Variants in STK3 observed in about 807,000 individuals in gnomAD.
The protein encoded by STK3 is serine/threonine kinase 3.
STK3 carries 41 observed loss-of-function variants against 58.0 expected under a neutral mutation model. The observed-to-expected ratio is 0.71, with a 90% CI of 0.55 to 0.92. The LOEUF is 0.92. STK3 is among the 40% of genes least tolerant of loss of function. STK3 has a pLI of 0.00. For synonymous variants in STK3, 170 were observed against 191.0 expected (o/e 0.89, Z 0.91); for missense variants, 479 against 602.7 (o/e 0.79, Z 2.15).
At chr8:98,376,450 A>G (rs1339776811) in intron 2 of STK3, among the ~76,000 whole-genome samples, 3 of 152,222 alleles carry the variant, frequency 2.0e-5, no homozygotes, top group Admixed American at 1.3e-4. Flanking sequence ...ATCATTTATA[A>G]AAAAGATTAT....
chr8:98,600,447 G>A (rs1165479480), intron 6 of STK3, among the ~76,000 whole-genome samples: 1 of 152,136 alleles, frequency 6.6e-6, no homozygotes, highest in Non-Finnish European at 1.5e-5. Flanking sequence ...TCAATAATGT[G>A]AGCTATTATT....
At chr8:98,442,308 A>G (rs1283559440) in intron 1 of STK3, among the ~76,000 whole-genome samples, 2 of 152,194 alleles carry the variant, frequency 1.3e-5, no homozygotes, top group East Asian at 3.8e-4. Flanking sequence ...GTTATCCCTC[A>G]TCTCAGCACT....
At position 98,666,018 on chromosome 8, in the gene STK3, A is replaced by G. The variant is rs188540445; in HGVS notation, c.684+40449T>C. Among the ~76,000 whole-genome samples, 20 of 152,202 alleles carry G rather than the reference A, an allele frequency of 1.3e-4. No individual in the cohort carries two copies. The East Asian group carries it at 3.9e-3, about 29-fold the overall frequency. ...GCACCTGGCCCCATCCTGATTTTTA[A>G]GGAAACTTCAACACGAGTTCTTCCA... On this transcript the variant is annotated intron_variant, in intron 6 of 10. Transcript: ENST00000419617.
In STK3 at chr8:98,670,936, G is replaced by A. The variant is rs540921414; in HGVS notation, c.684+35531C>T. Among the ~76,000 whole-genome samples the A allele has an allele frequency of 3.7e-4, 57 of 152,290 alleles. No individual in the cohort carries two copies. The South Asian group carries it at 0.011, about 29-fold the overall frequency. ...CCCACTGAATGTGGGGGCTGAGTGT[G>A]CAGTTGTGGCAGCTGTGGGATCCAC... On this transcript the variant is annotated intron_variant, in intron 6 of 10. Coordinates refer to ENST00000419617, the MANE Select transcript of STK3 (RefSeq NM_006281.4).
At chr8:98,821,387 G>A (rs893965749) in intron 1 of STK3, among the ~76,000 whole-genome samples, 1 of 152,076 alleles carries the variant, frequency 6.6e-6, no homozygotes, top group Non-Finnish European at 1.5e-5. Flanking sequence ...GGTCCCTGGT[G>A]CCAAAATGGT....
At chr8:98,642,967 AATC>A (rs1273999330) in intron 6 of STK3, among the ~76,000 whole-genome samples, 5 of 152,198 alleles carry the variant, frequency 3.3e-5, no homozygotes, top group Non-Finnish European at 7.4e-5. Context: ...CCATGTCTGT[AATC>A]TCAGCATTTT....
chr8:98,470,696 C>T (rs1820852401), intron 10 of STK3, among the ~76,000 whole-genome samples: 1 of 152,154 alleles, frequency 6.6e-6, no homozygotes, highest in Non-Finnish European at 1.5e-5. Context: ...ATTATATCAA[C>T]TAATTTTAAA....
chr8:98,912,522 T>C (rs1839185485), intron 1 of STK3, among the ~76,000 whole-genome samples: 1 of 151,986 alleles, frequency 6.6e-6, no homozygotes, highest in South Asian at 2.1e-4. Context: ...ACAGGAAGAG[T>C]TGGAAAGCCA....
At chr8:98,416,676 A>T (rs1818118021) in intron 3 of STK3, among the ~76,000 whole-genome samples, 1 of 152,258 alleles carries the variant, frequency 6.6e-6, no homozygotes, top group Non-Finnish European at 1.5e-5. Flanking sequence ...CATTTTAGCA[A>T]GATTTAATTA....
intron 10 of STK3, among the ~76,000 whole-genome samples, chr8:98,461,795 G>T (rs73273984): frequency 2.4e-4 from 36 of 152,150 alleles, no homozygotes; most frequent in African/African-American, 8.0e-4. Flanking sequence ...GTTTAAGGAG[G>T]TTAAAGATAG....
chr8:98,543,360 GT>G (rs1382037628), intron 9 of STK3, among the ~76,000 whole-genome samples: 1 of 152,124 alleles, frequency 6.6e-6, no homozygotes, highest in Non-Finnish European at 1.5e-5. Context: ...GAAGAGAAAT[GT>G]GCTGAAATCT....
intron 3 of STK3, among the ~76,000 whole-genome samples, chr8:98,751,838 G>A (rs1352967112): frequency 6.6e-6 from 1 of 152,072 alleles, no homozygotes; most frequent in East Asian, 1.9e-4. Flanking sequence ...TACTTAGGAG[G>A]GTGAGGCAGG....
chr8:98,713,942 T>G lies in STK3; in HGVS notation c.352-6631A>C, dbSNP rs1367647233. Among the ~76,000 whole-genome samples, 2 of 152,302 alleles carry G rather than the reference T, an allele frequency of 1.3e-5. 1 individual carries two copies. The highest frequency in any genetic ancestry group is 4.8e-5 in the African/African-American group (2 of 41,576). On this transcript the variant is annotated intron_variant, in intron 4 of 10. Coordinates refer to ENST00000419617, the MANE Select transcript of STK3 (RefSeq NM_006281.4). ...AAAAGCTTATCCACCATGATCAAGT[T>G]GGATTCATCCCTGGGATGCAAGGCT... is the stretch of plus-strand genomic sequence containing the variant.
intron 6 of STK3, among the ~76,000 whole-genome samples, chr8:98,702,280 T>C (rs1825684593): frequency 6.6e-6 from 1 of 152,190 alleles, no homozygotes. Context: ...GACAAACTGA[T>C]AAACTAAAGC....
intron 1 of STK3, among the ~76,000 whole-genome samples, chr8:98,889,248 CA>C (rs1163761470): frequency 1.3e-5 from 2 of 152,168 alleles, no homozygotes; most frequent in African/African-American, 4.8e-5. Context: ...GCAGAACAAA[CA>C]AACATGCAAA....
intron 3 of STK3, among the ~76,000 whole-genome samples, chr8:98,833,671 A>G (rs926119156): frequency 1.3e-5 from 2 of 152,212 alleles, no homozygotes; most frequent in Non-Finnish European, 2.9e-5. Context: ...TGTTCTGTCA[A>G]TCTGAGGATT....
chr8:98,609,578 G>A (rs1018197461), intron 6 of STK3, among the ~76,000 whole-genome samples: 2 of 152,242 alleles, frequency 1.3e-5, no homozygotes, highest in South Asian at 2.1e-4. Context: ...TAAGAAGACA[G>A]TACAAAAACA....
intron 1 of STK3, among the ~76,000 whole-genome samples, chr8:98,902,039 T>C (rs1337631854): frequency 6.6e-6 from 1 of 152,144 alleles, no homozygotes; most frequent in African/African-American, 2.4e-5. Context: ...CACTCCCTGG[T>C]TCTGGAAACA....
intron 6 of STK3, among the ~76,000 whole-genome samples, chr8:98,663,569 C>T (rs1822124230): frequency 6.6e-6 from 1 of 152,160 alleles, no homozygotes; most frequent in African/African-American, 2.4e-5. Flanking sequence ...GACACATGCA[C>T]ACGTATGTTT....
Sources: allele counts gnomAD v4.1 joint callset (sites outside exome capture counted in the v4.1 genomes callset), GRCh38; gene constraint gnomAD v4.1.1; transcripts MANE v1.5; gene names NCBI Gene and HGNC (gene_info 2026-07-23, HGNC 2026-07-21).